Variants in PLD2 observed in about 807,000 individuals in gnomAD.
The protein encoded by PLD2 is choline phosphatase 2.
PLD2 carries 101 observed loss-of-function variants against 119.8 expected under a neutral mutation model. The ratio of observed to expected loss-of-function variants is 0.84; its 90% confidence interval spans 0.72 to 0.99. The LOEUF is 0.99. PLD2 is among the 50% of genes least tolerant of loss of function. The probability of loss-of-function intolerance (pLI) is 0.00; values close to 1 mark genes in which losing one functional copy is unlikely to be tolerated. For missense variants in PLD2, 1,164 were observed against 1,226.8 expected (o/e 0.95, Z 0.76); for synonymous variants, 494 against 482.8 (o/e 1.02, Z -0.30).
intron 10 of PLD2, among the ~76,000 whole-genome samples, chr17:4,813,059 G>T (rs1403661170): frequency 1.3e-5 from 2 of 152,204 alleles, no homozygotes; most frequent in East Asian, 3.8e-4. Context: ...GCCCAAGCTG[G>T]AGTGCAGTGG....
At position 4,816,742 on chromosome 17, in the gene PLD2, C is replaced by G; in HGVS notation, c.1578C>G (p.Phe526Leu). The change falls in exon 15 of 25, where the codon TTC (phenylalanine) becomes TTG (leucine). Residue 526 changes from phenylalanine to leucine, a missense_variant. Coordinates refer to ENST00000263088, the MANE Select transcript of PLD2 (RefSeq NM_002663.5). ...TKDWVQLDRP[F>L]EDFIDRETTP... ...ACTGGGTGCAGCTGGACCGGCCTTT[C>G]GAAGGTGAAGCCTCCCACCCGCCAA... 1.2e-6 allele frequency: 2 copies of G among 1,614,204 alleles called. No homozygotes were observed. The highest frequency in any genetic ancestry group is 2.7e-5 in the African/African-American group (2 of 75,048).
Position 4,815,880 on chromosome 17 carries a change from C to T in PLD2, c.1401C>T (p.Asp467=). The part of the protein sequence containing the change: ...GLDLAYGRWD[D]LHYRLTDLGD... ...ACCTTGCCTATGGCCGCTGGGATGA[C>T]CTGCACTACCGACTGACTGACCTTG... Residue 467 remains aspartate (D), a synonymous_variant, in exon 14 of 25, where the codon GAC becomes GAT. Transcript: ENST00000263088. 1.2e-6 allele frequency: 2 copies of T among 1,614,102 alleles called. No homozygotes were observed. The highest frequency in any genetic ancestry group is 1.7e-6 in the Non-Finnish European group (2 of 1,180,018).
chr17:4,821,920 G>A lies in PLD2; in HGVS notation c.2577+13G>A, dbSNP rs200564902. The A allele has an allele frequency of 1.2e-4, 192 of 1,566,066 alleles. No homozygotes were observed. The highest frequency in any genetic ancestry group is 4.3e-4 in the East Asian group (19 of 44,648). ...TATCTATGAGCAGGTGGGAACTTGG[G>A]AGGGGTGGGGGAGAGTGGCCTGGGG... is the stretch of plus-strand genomic sequence containing the variant. On this transcript the variant is annotated intron_variant, in intron 24 of 24. Transcript: ENST00000263088.
chr17:4,809,217 T>G lies in PLD2; in HGVS notation c.489+12T>G, dbSNP rs535181208. 5.6e-6 allele frequency: 9 copies of G among 1,612,782 alleles called. No homozygotes were observed. In the South Asian group the frequency reaches 6.6e-5, roughly 12 times the overall value. On this transcript the variant is annotated intron_variant, in intron 5 of 24. Coordinates refer to ENST00000263088, the MANE Select transcript of PLD2 (RefSeq NM_002663.5). ...CAGCCAGCAAACAGGTGGGACCAGA[T>G]GCCAGGTCCTCCGGGAAGGCATTGG...
At chr17:4,814,821 A>G (rs1260783050) in intron 12 of PLD2, 110 bp downstream of exon 12, 1 of 943,112 alleles carries the variant, frequency 1.1e-6, no homozygotes, top group Non-Finnish European at 1.7e-6. Context: ...AGGGGAGGGA[A>G]AAGTGTCCAT....
At position 4,818,822 on chromosome 17, in the gene PLD2, C is replaced by A; in HGVS notation, c.2172C>A (p.Ala724=). Residue 724 remains alanine, a splice_region_variant and synonymous_variant, in exon 21 of 25, where the codon GCC becomes GCA. Transcript: ENST00000263088. ...CAATCCTGCATCGCCTTAAAGCAGC[C>A]AGTGAGTGCTGGGGGCTGGGGGCTC... ...EYSILHRLKA[A]MGTAWRDYIS... 6.2e-7 allele frequency: 1 copy of A among 1,614,104 alleles called. No individual in the cohort carries two copies. Among genetic ancestry groups the A allele is most frequent in the Non-Finnish European group, 8.5e-7 (1 of 1,179,972 alleles).
At chr17:4,821,126 T>G (rs571280557) in intron 23 of PLD2, among the ~76,000 whole-genome samples, 52 of 150,294 alleles carry the variant, frequency 3.5e-4, no homozygotes, top group African/African-American at 1.2e-3. Context: ...ATGGTCTCGA[T>G]CTCCTGACCT....
intron 17 of PLD2, among the ~76,000 whole-genome samples, chr17:4,817,631 C>T (rs1053706140): frequency 3.3e-5 from 5 of 150,030 alleles, no homozygotes; most frequent in African/African-American, 1.2e-4. Flanking sequence ...CACTGCACTC[C>T]AGCCTGGGCA....
At chr17:4,816,860 A>G (rs1195760020) in intron 15 of PLD2, 77 bp from the exon 16 acceptor site, 2 of 1,577,314 alleles carry the variant, frequency 1.3e-6, no homozygotes, top group Admixed American at 3.4e-5. Context: ...TCCCTCTGGC[A>G]GGCTCTTTCT....
rs1906133693 is a variant in PLD2, at chr17:4,808,797, C to T, written c.384-303C>T. Among the ~76,000 whole-genome samples, 1 of 152,136 alleles carries T rather than the reference C, an allele frequency of 6.6e-6. No individual in the cohort carries two copies. Among genetic ancestry groups the T allele is most frequent in the Non-Finnish European group, 1.5e-5 (1 of 68,002 alleles). ...TCTTGGCTCATGGCAACCTCCTGGG[C>T]TCAAGCAGTCCTCCCGTCTCAGCCT... On this transcript the variant is annotated intron_variant, in intron 4 of 24. Transcript: ENST00000263088. This position sits in a 1 kb window ranked among gnomAD's most constrained non-coding sequence, Gnocchi z 4.1.
intron 17 of PLD2, 154 bp from the exon 18 acceptor site, chr17:4,817,848 C>A: frequency 1.8e-6 from 1 of 557,264 alleles, no homozygotes. Flanking sequence ...GTCCCAGCTA[C>A]TTAGGAGGCT....
chr17:4,817,900 G>A (rs561521387), intron 17 of PLD2, 102 bp from the exon 18 acceptor site: 19 of 737,958 alleles, frequency 2.6e-5, no homozygotes, highest in Non-Finnish European at 4.1e-5. Context: ...GGAGCTTGCA[G>A]TGAGCGGAGA....
At chr17:4,822,603 C>T (rs1204424696) in intron 24 of PLD2, 37 bp from the exon 25 acceptor site, 3 of 1,450,294 alleles carry the variant, frequency 2.1e-6, no homozygotes, top group Non-Finnish European at 2.9e-6. Flanking sequence ...GGGAGAGTCT[C>T]CCCAAGCCTT....
chr17:4,810,841 G>GT lies in PLD2; in HGVS notation c.901dup (p.Trp301LeufsTer8). 1 of 1,613,724 alleles carries GT rather than the reference G, an allele frequency of 6.2e-7. No individual in the cohort carries two copies. The highest frequency in any genetic ancestry group is 8.5e-7 in the Non-Finnish European group (1 of 1,179,824). ...AGTGCAGCAGCTACCGGCAGGCACG[G>GT]TGGTGGGCCCAAGAGATCACTGAGC... is the stretch of plus-strand genomic sequence containing the variant. On this transcript the variant is annotated frameshift_variant, in exon 10 of 25. Transcript: ENST00000263088. LOFTEE classifies it high-confidence loss of function.
At chr17:4,816,561 G>A in intron 14 of PLD2, 59 bp from the exon 15 acceptor site, 1 of 1,576,944 alleles carries the variant, frequency 6.3e-7, no homozygotes, top group South Asian at 1.1e-5. Context: ...CTTTGGCCCT[G>A]GCTCTGTACA....
At chr17:4,809,235 G>A (rs376618254) in intron 5 of PLD2, 30 bp downstream of exon 5, 1 of 1,611,830 alleles carries the variant, frequency 6.2e-7, no homozygotes, top group Non-Finnish European at 8.5e-7. Context: ...CCTCCGGGAA[G>A]GCATTGGAGG....
intron 10 of PLD2, among the ~76,000 whole-genome samples, 162 bp downstream of exon 10, chr17:4,811,113 ATTGATCTCTCTGATTTCGCG>A (rs1396308828): frequency 1.2e-5 from 1 of 85,484 alleles, no homozygotes; most frequent in African/African-American, 4.6e-5. Context: ...CTTTAACCAC[ATTGATCTCTCTGATTTCGCG>A]CCGACCTTTC....
chr17:4,819,733 C>G lies in PLD2; in HGVS notation c.2462+151C>G. On this transcript the variant is annotated intron_variant, in intron 23 of 24. Transcript: ENST00000263088. This position sits in a 1 kb window ranked among gnomAD's most constrained non-coding sequence, Gnocchi z 4.2. ...ATAGGCAAGGCTGGGCGCGGCAGCT[C>G]ACGCCTCTAATCCCAGCACTTTGGG... 1 of 785,424 alleles carries G rather than the reference C, an allele frequency of 1.3e-6. No homozygotes were observed. Among genetic ancestry groups the G allele is most frequent in the Non-Finnish European group, 2.0e-6 (1 of 510,544 alleles). The allele number at this position is 785,424 out of a possible 1,614,324, so 48.7% of individuals were successfully genotyped here.
At chr17:4,814,733 C>A (rs1306312922) in intron 12 of PLD2, 22 bp downstream of exon 12, 5 of 1,608,944 alleles carry the variant, frequency 3.1e-6, no homozygotes, top group African/African-American at 1.3e-5. Flanking sequence ...GGTCAGGCCG[C>A]AGGGGGAGGG....
Sources: gnomAD v4.1 joint callset for allele counts (sites outside exome capture counted in the v4.1 genomes callset) on GRCh38, gnomAD v4.1.1 for gene constraint, Gnocchi (gnomAD v3.1) non-coding constraint, MANE v1.5 for transcripts, NCBI Gene and HGNC (gene_info 2026-07-23, HGNC 2026-07-21) for gene names.